The following SAR1B variants were observed in gnomAD, a reference collection of about 807,000 sequenced individuals.
The protein encoded by SAR1B is secretion associated Ras related GTPase 1B.
SAR1B carries 23 observed loss-of-function variants against 26.8 expected under a neutral mutation model. That is an observed-to-expected ratio of 0.86 (90% CI 0.62 to 1.22). The LOEUF is 1.22. Ranked by LOEUF, SAR1B falls within the 50% of genes most tolerant of loss-of-function variation. The pLI, the probability that SAR1B is intolerant of heterozygous loss-of-function variation, is 0.00. For synonymous variants in SAR1B, 65 were observed against 80.8 expected (o/e 0.80, Z 1.05); for missense variants, 196 against 232.8 (o/e 0.84, Z 1.03).
intron 1 of SAR1B, among the ~76,000 whole-genome samples, chr5:134,625,118 G>A (rs1410606186): frequency 6.6e-6 from 1 of 152,210 alleles, no homozygotes; most frequent in East Asian, 1.9e-4. Flanking sequence ...CAGAAAATTT[G>A]TGGAGGTGGT....
At chr5:134,628,681 G>A (rs1765541835) in intron 1 of SAR1B, among the ~76,000 whole-genome samples, 1 of 151,492 alleles carries the variant, frequency 6.6e-6, no homozygotes, top group Non-Finnish European at 1.5e-5. Context: ...TTGAGACTAA[G>A]TCTCACTCTG....
intron 1 of SAR1B, among the ~76,000 whole-genome samples, chr5:134,629,802 C>T (rs376389818): frequency 3.0e-4 from 46 of 151,142 alleles, no homozygotes; most frequent in African/African-American, 1.1e-3. Flanking sequence ...ATGAGAATTG[C>T]TTGAACCCGG....
In SAR1B at chr5:134,604,477, A is replaced by G. The variant is rs548309805; in HGVS notation, c.*2473T>C. On this transcript the variant is annotated 3_prime_UTR_variant, in exon 7 of 7. Coordinates refer to ENST00000402673, the MANE Select transcript of SAR1B (RefSeq NM_016103.4). Reference sequence around the variant, plus strand: ...CTTGAAAAAGAGCAGTACCCAGTGCATATACTCTGGAGAGGTTCTCAAAGC... The same window carrying G: ...CTTGAAAAAGAGCAGTACCCAGTGCGTATACTCTGGAGAGGTTCTCAAAGC... 1 of 152,238 alleles carries G rather than the reference A, an allele frequency of 6.6e-6. No homozygotes were observed. The highest frequency in any genetic ancestry group is 2.4e-5 in the African/African-American group (1 of 41,460). 9.4% of individuals were successfully genotyped at this position (152,238 alleles called of 1,614,324 possible).
At chr5:134,614,356 C>G (rs1765273119) in intron 3 of SAR1B, 1 of 152,170 alleles carries the variant, frequency 6.6e-6, no homozygotes, top group Admixed American at 6.6e-5. Context: ...TTTCTACTGA[C>G]TGAATCACTT....
At chr5:134,617,285 T>A (rs1419309847) in intron 3 of SAR1B, among the ~76,000 whole-genome samples, 1 of 152,080 alleles carries the variant, frequency 6.6e-6, no homozygotes, top group East Asian at 1.9e-4. Context: ...AGTATAAACA[T>A]TTTTGTACAA....
intron 3 of SAR1B, among the ~76,000 whole-genome samples, chr5:134,615,974 T>C (rs1194735678): frequency 6.6e-6 from 1 of 151,004 alleles, no homozygotes. Context: ...ACCCCGTCTC[T>C]ACTAAAAATA....
rs544607248 is a variant in SAR1B, at chr5:134,609,814, C to G, written c.245-140G>C. 5.7e-5 allele frequency: 41 copies of G among 713,496 alleles called. No individual in the cohort carries two copies. In the Middle Eastern group the frequency reaches 1.9e-3, roughly 32 times the overall value. The allele number at this position is 713,496 out of a possible 1,614,324, so 44.2% of individuals were successfully genotyped here. On this transcript the variant is annotated intron_variant, in intron 4 of 6. Transcript: ENST00000402673. The stretch of plus-strand genomic sequence containing the variant: ...ACAATATATTCAAGTTAATCTTTTA[C>G]CCAGTGGTGCCAAATTCTTCTGAGA...
intron 3 of SAR1B, among the ~76,000 whole-genome samples, chr5:134,615,851 T>C (rs1765304164): frequency 6.6e-6 from 1 of 150,868 alleles, no homozygotes. Context: ...AAATTCTGTA[T>C]GTAGGCCAGG....
chr5:134,608,245 C>T, intron 6 of SAR1B, 127 bp downstream of exon 6: 1 of 960,590 alleles, frequency 1.0e-6, no homozygotes, highest in South Asian at 1.5e-5. Context: ...AAAAGACCCA[C>T]AGGTATAAAT....
intron 1 of SAR1B, among the ~76,000 whole-genome samples, chr5:134,626,756 T>C (rs1021696896): frequency 2.6e-4 from 39 of 152,134 alleles, no homozygotes; most frequent in Non-Finnish European, 4.9e-4. Context: ...GATAAATCCA[T>C]AGAGTAAGTA....
intron 4 of SAR1B, among the ~76,000 whole-genome samples, chr5:134,611,899 C>T (rs1765220647): frequency 6.6e-6 from 1 of 151,930 alleles, no homozygotes; most frequent in Non-Finnish European, 1.5e-5. Context: ...TGTGGTGGCT[C>T]ACACCTATAA....
chr5:134,630,456 C>CAAA (rs773343974), intron 1 of SAR1B, among the ~76,000 whole-genome samples: 3 of 41,552 alleles, frequency 7.2e-5, no homozygotes, highest in African/African-American at 1.8e-4. Flanking sequence ...AACTCTATCT[C>CAAA]AAAAAAAAAA....
At chr5:134,609,083 C>G (rs1344689591) in intron 5 of SAR1B, 2 of 456,744 alleles carry the variant, frequency 4.4e-6, no homozygotes, top group East Asian at 6.9e-5. Context: ...GGCCCCAGAT[C>G]TGGTGCTGAC....
intron 3 of SAR1B, among the ~76,000 whole-genome samples, chr5:134,619,158 C>T (rs1765362399): frequency 6.7e-6 from 1 of 150,004 alleles, no homozygotes; most frequent in African/African-American, 2.4e-5. Flanking sequence ...GTTGAAACCC[C>T]GTCTCTACTA....
At chr5:134,617,681 T>C (rs1300227103) in intron 3 of SAR1B, among the ~76,000 whole-genome samples, 1 of 152,160 alleles carries the variant, frequency 6.6e-6, no homozygotes, top group Non-Finnish European at 1.5e-5. Context: ...GTTTTTTTTC[T>C]GTGTTTTTTG....
intron 4 of SAR1B, 151 bp from the exon 5 acceptor site, chr5:134,609,825 C>T: frequency 1.4e-6 from 1 of 700,416 alleles, no homozygotes; most frequent in Admixed American, 2.1e-5. Flanking sequence ...CCAGTGGTGC[C>T]AAATTCTTCT....
At chr5:134,608,072 A>G (rs1029637799) in intron 6 of SAR1B, among the ~76,000 whole-genome samples, 2 of 152,168 alleles carry the variant, frequency 1.3e-5, no homozygotes, top group Non-Finnish European at 2.9e-5. Context: ...TAAACACTCA[A>G]ATATATCGTT....
intron 2 of SAR1B, among the ~76,000 whole-genome samples, chr5:134,621,705 G>A (rs1765411578): frequency 6.6e-6 from 1 of 152,024 alleles, no homozygotes; most frequent in Non-Finnish European, 1.5e-5. Context: ...ATAATAGACT[G>A]GAATTGAACT....
intron 3 of SAR1B, among the ~76,000 whole-genome samples, chr5:134,619,734 A>G (rs1166250553): frequency 6.6e-6 from 1 of 152,118 alleles, no homozygotes; most frequent in Non-Finnish European, 1.5e-5. Context: ...TGTACATTAG[A>G]TATTGTTGAG....
Sources: gnomAD v4.1 joint callset for allele counts (sites outside exome capture counted in the v4.1 genomes callset) on GRCh38, gnomAD v4.1.1 for gene constraint, MANE v1.5 for transcripts, NCBI Gene and HGNC (gene_info 2026-07-23, HGNC 2026-07-21) for gene names.